The following UNC5C variants were observed in gnomAD, a reference collection of about 807,000 sequenced individuals.
UNC5C encodes the protein netrin receptor UNC5C.
In UNC5C, 47 loss-of-function variants were observed where a neutral mutation model predicts 99.8. The observed-to-expected ratio is 0.47, with a 90% CI of 0.37 to 0.60. The LOEUF is 0.60. Ranked by LOEUF, UNC5C falls within the 20% of genes least tolerant of loss-of-function variation. UNC5C has a pLI of 0.00. For missense variants in UNC5C, 1,062 were observed against 1,165.9 expected (o/e 0.91, Z 1.30); for synonymous variants, 487 against 452.2 (o/e 1.08, Z -0.98).
intron 1 of UNC5C, among the ~76,000 whole-genome samples, chr4:95,467,771 C>A (rs1369616563): frequency 1.3e-5 from 2 of 152,054 alleles, no homozygotes; most frequent in African/African-American, 4.8e-5. Flanking sequence ...CTACTAATAG[C>A]CTACTGGTGA....
chr4:95,457,042 T>C (rs1180990302), intron 1 of UNC5C, among the ~76,000 whole-genome samples: 1 of 152,130 alleles, frequency 6.6e-6, no homozygotes, highest in African/African-American at 2.4e-5. Context: ...GTGAATCAAC[T>C]GACATAATGT....
chr4:95,438,923 T>C (rs1232420370), intron 1 of UNC5C, among the ~76,000 whole-genome samples: 3 of 152,170 alleles, frequency 2.0e-5, no homozygotes, highest in African/African-American at 7.2e-5. Flanking sequence ...TTATCCATAA[T>C]CATTGAGGAA....
chr4:95,219,857 C>G, intron 8 of UNC5C, 128 bp downstream of exon 8: 2 of 1,007,972 alleles, frequency 2.0e-6, no homozygotes, highest in Non-Finnish European at 2.9e-6. Flanking sequence ...CAGTAATGAA[C>G]AAAATTAACT....
chr4:95,172,500 A>T (rs940529324), intron 14 of UNC5C, among the ~76,000 whole-genome samples: 12 of 152,112 alleles, frequency 7.9e-5, no homozygotes, highest in Non-Finnish European at 1.6e-4. Context: ...ATAGGGAATC[A>T]TTTCCCCATT....
chr4:95,474,498 C>G (rs1053421876), intron 1 of UNC5C, among the ~76,000 whole-genome samples: 9 of 152,018 alleles, frequency 5.9e-5, no homozygotes, highest in Non-Finnish European at 1.0e-4. Context: ...CCATATTGTC[C>G]AGGCTGGTCT....
At chr4:95,486,731 T>C (rs962212698) in intron 1 of UNC5C, among the ~76,000 whole-genome samples, 50 of 151,694 alleles carry the variant, frequency 3.3e-4, no homozygotes, top group African/African-American at 1.2e-3. Flanking sequence ...TCATTTGATT[T>C]TGATGCTTCT....
intron 1 of UNC5C, among the ~76,000 whole-genome samples, chr4:95,492,787 G>A (rs1183268440): frequency 4.0e-5 from 6 of 151,384 alleles, no homozygotes; most frequent in Non-Finnish European, 4.4e-5. Context: ...CAAATGCAGT[G>A]TTTAACTAAA....
chr4:95,267,988 A>C (rs1024673602), intron 4 of UNC5C, among the ~76,000 whole-genome samples: 9 of 117,916 alleles, frequency 7.6e-5, no homozygotes, highest in South Asian at 2.6e-4. Context: ...TCTGCTCTGT[A>C]ACCCAGGCTG....
intron 1 of UNC5C, among the ~76,000 whole-genome samples, chr4:95,518,551 G>A (rs1266585698): frequency 6.6e-6 from 1 of 152,128 alleles, no homozygotes; most frequent in Non-Finnish European, 1.5e-5. Flanking sequence ...GATAAATACG[G>A]AGAAAGGCCT....
At chr4:95,291,143 C>T (rs1741428686) in intron 3 of UNC5C, among the ~76,000 whole-genome samples, 1 of 152,012 alleles carries the variant, frequency 6.6e-6, no homozygotes, top group Non-Finnish European at 1.5e-5. Flanking sequence ...CAAATGACAT[C>T]CACTACAGAA....
chr4:95,269,736 G>C (rs376413418), intron 4 of UNC5C, among the ~76,000 whole-genome samples: 1 of 150,968 alleles, frequency 6.6e-6, no homozygotes, highest in East Asian at 1.9e-4. Flanking sequence ...AAATGAGACC[G>C]AGTTTCACTC....
intron 1 of UNC5C, among the ~76,000 whole-genome samples, chr4:95,442,205 ATTTG>A (rs1331120099): frequency 6.6e-6 from 1 of 151,566 alleles, no homozygotes; most frequent in Admixed American, 6.6e-5. Context: ...TTGTTTGTTT[ATTTG>A]TTTGTTTGTT....
chr4:95,214,449 AC>A (rs1440447235), intron 10 of UNC5C, among the ~76,000 whole-genome samples: 1 of 152,192 alleles, frequency 6.6e-6, no homozygotes, highest in Non-Finnish European at 1.5e-5. Context: ...AAGGCAGAGA[AC>A]CCTAACAGCA....
intron 1 of UNC5C, among the ~76,000 whole-genome samples, chr4:95,486,727 G>A (rs142627808): frequency 6.6e-6 from 1 of 151,394 alleles, no homozygotes; most frequent in Non-Finnish European, 1.5e-5. Flanking sequence ...CCCATCATTT[G>A]ATTTTGATGC....
intron 1 of UNC5C, among the ~76,000 whole-genome samples, chr4:95,511,199 TCAGGGCAGAAGA>T (rs1428502993): frequency 5.9e-5 from 9 of 152,054 alleles, no homozygotes; most frequent in Non-Finnish European, 1.3e-4. Flanking sequence ...GCTAATAATA[TCAGGGCAGAAGA>T]CAAACCTAAG....
intron 1 of UNC5C, among the ~76,000 whole-genome samples, chr4:95,495,311 G>A (rs1348583256): frequency 6.6e-6 from 1 of 151,240 alleles, no homozygotes; most frequent in Non-Finnish European, 1.5e-5. Context: ...AAGACAAATT[G>A]TACCCAGTAT....
At chr4:95,236,728 A>G (rs2149375885) in intron 7 of UNC5C, among the ~76,000 whole-genome samples, 1 of 152,316 alleles carries the variant, frequency 6.6e-6, no homozygotes, top group East Asian at 1.9e-4. Context: ...ATCACTAAAT[A>G]CATATATAAA....
At chr4:95,236,794 A>C (rs182455091) in intron 7 of UNC5C, among the ~76,000 whole-genome samples, 114 of 152,264 alleles carry the variant, frequency 7.5e-4, no homozygotes, top group African/African-American at 2.5e-3. Flanking sequence ...GGACATCATA[A>C]ATGATGTTCC....
chr4:95,517,452 T>C (rs1374508443), intron 1 of UNC5C, among the ~76,000 whole-genome samples: 1 of 152,078 alleles, frequency 6.6e-6, no homozygotes, highest in Non-Finnish European at 1.5e-5. Flanking sequence ...ATCTGTATCA[T>C]AAACACATAT....
Sources: allele counts gnomAD v4.1 joint callset (sites outside exome capture counted in the v4.1 genomes callset), GRCh38; gene constraint gnomAD v4.1.1; transcripts MANE v1.5; gene names NCBI Gene and HGNC (gene_info 2026-07-23, HGNC 2026-07-21).